Variants in NOD1 observed in about 807,000 individuals in gnomAD.
NOD1 encodes nucleotide binding oligomerization domain containing 1.
A neutral mutation model predicts 81.2 loss-of-function variants in NOD1; 70 were observed. The ratio of observed to expected loss-of-function variants is 0.86; its 90% CI spans 0.71 to 1.05. The LOEUF is 1.05. NOD1 is among the 50% of genes least tolerant of loss of function. The pLI, the probability that NOD1 is intolerant of heterozygous loss-of-function variation, is 0.00. For missense variants in NOD1, 1,233 were observed against 1,228.0 expected (o/e 1.00, Z -0.06); for synonymous variants, 508 against 526.9 (o/e 0.96, Z 0.49).
In NOD1 at chr7:30,456,803, A is replaced by G; in HGVS notation, c.119T>C (p.Leu40Pro). ...LVTHIRNTQCLVDNLLKNDYF... is the reference protein window; with the variant it reads ...LVTHIRNTQCPVDNLLKNDYF... Reference sequence around the variant, plus strand: ...GTCATTCTTCAGCAAGTTGTCCACCAGACACTGAGTATTGCGGATGTGAGT... The same window carrying G: ...GTCATTCTTCAGCAAGTTGTCCACCGGACACTGAGTATTGCGGATGTGAGT... Residue 40 changes from leucine to proline, a missense_variant, in exon 4 of 14, where the codon CTG (leucine) becomes CCG (proline). Leu to Pro is a moderately conservative substitution (Grantham distance 98). Transcript: ENST00000222823. 6.2e-7 allele frequency: 1 copy of G among 1,614,192 alleles called. No individual in the cohort carries two copies. The highest frequency in any genetic ancestry group is 8.5e-7 in the Non-Finnish European group (1 of 1,180,028).
At chr7:30,427,858 T>G (rs1440334950) in intron 13 of NOD1, among the ~76,000 whole-genome samples, 1 of 152,186 alleles carries the variant, frequency 6.6e-6, no homozygotes, top group Non-Finnish European at 1.5e-5. Flanking sequence ...TGCAAACTGT[T>G]CTGTAGTCTG....
chr7:30,462,480 G>A (rs763826943), intron 1 of NOD1, among the ~76,000 whole-genome samples: 5 of 148,168 alleles, frequency 3.4e-5, no homozygotes, highest in Non-Finnish European at 7.4e-5. Context: ...TTCCAGTCCT[G>A]GCTATAATAG....
chr7:30,451,509 GGGCA>G lies in NOD1; in HGVS notation c.1904_1907del (p.Leu635ProfsTer47). 2.5e-6 allele frequency: 4 copies of G among 1,613,126 alleles called. No homozygotes were observed. Among genetic ancestry groups the G allele is most frequent in the Non-Finnish European group, 3.4e-6 (4 of 1,179,858 alleles). ...GGTTGAAGCTTTCGACCTGAACGCG[GGGCA>G]GGCTCTTCAGGTAGCCCCGCAGGCT... On this transcript the variant is annotated frameshift_variant, in exon 6 of 14. Transcript: ENST00000222823. LOFTEE classifies it high-confidence loss of function. The surrounding 1 kb of genome is among the most constrained non-coding windows in gnomAD (Gnocchi z 4.2).
At position 30,456,828 on chromosome 7, in the gene NOD1, T is replaced by C; in HGVS notation, c.94A>G (p.Thr32Ala). 6.2e-7 allele frequency: 1 copy of C among 1,614,148 alleles called. No homozygotes were observed. Among genetic ancestry groups the C allele is most frequent in the South Asian group, 1.1e-5 (1 of 91,080 alleles). Residue 32 changes from threonine to alanine, a missense_variant, in exon 4 of 14, where the codon ACT (threonine) becomes GCT (alanine). Physicochemically the swap from Thr to Ala is moderately conservative, Grantham distance 58. Transcript: ENST00000222823. ...LLKSNRELLV[T>A]HIRNTQCLVD... is the part of the protein sequence containing the mutation. Reference sequence around the variant, plus strand: ...AGACACTGAGTATTGCGGATGTGAGTGACCAGAAGTTCCCGATTGCTTTTC... The same window carrying C: ...AGACACTGAGTATTGCGGATGTGAGCGACCAGAAGTTCCCGATTGCTTTTC...
At chr7:30,436,258 A>G (rs1315186811) in intron 10 of NOD1, among the ~76,000 whole-genome samples, 177 bp from the exon 11 acceptor site, 2 of 152,234 alleles carry the variant, frequency 1.3e-5, no homozygotes, top group African/African-American at 2.4e-5. Flanking sequence ...GCTGCCCCAG[A>G]GCCCACACAC....
At chr7:30,436,751 T>A (rs890125195) in intron 10 of NOD1, among the ~76,000 whole-genome samples, 2 of 152,158 alleles carry the variant, frequency 1.3e-5, no homozygotes, top group Admixed American at 1.3e-4. Flanking sequence ...TCTGTCTTGA[T>A]GGGGGTGGTG....
intron 9 of NOD1, among the ~76,000 whole-genome samples, chr7:30,445,295 A>AG (rs1036963901): frequency 1.3e-5 from 2 of 149,144 alleles, no homozygotes; most frequent in Non-Finnish European, 3.0e-5. Flanking sequence ...AAAAAAAAAA[A>AG]AAAAAAAGAA....
intron 12 of NOD1, among the ~76,000 whole-genome samples, chr7:30,432,306 T>C (rs1032733038): frequency 3.3e-5 from 5 of 152,056 alleles, no homozygotes; most frequent in African/African-American, 9.7e-5. Context: ...GAGACATTTC[T>C]CCAAAGAAGC....
Position 30,451,811 on chromosome 7 carries a change from C to CCA in NOD1, c.1604_1605dup (p.Gly536TrpfsTer79). 1 of 1,613,828 alleles carries CCA rather than the reference C, an allele frequency of 6.2e-7. No individual in the cohort carries two copies. The highest frequency in any genetic ancestry group is 2.2e-5 in the East Asian group (1 of 44,852). On this transcript the variant is annotated frameshift_variant, in exon 6 of 14. Transcript: ENST00000222823. LOFTEE classifies it high-confidence loss of function. This position sits in a 1 kb window ranked among gnomAD's most constrained non-coding sequence, Gnocchi z 4.2. ...AAGAACCTGAGCAGCTCCTGAGTGCCCACCCTGTCGTCCAGCACGAGGAAG... is the reference window on the plus strand; with the variant it reads ...AAGAACCTGAGCAGCTCCTGAGTGCCCACACCCTGTCGTCCAGCACGAGGAAG...
At chr7:30,447,411 C>CAA (rs1785223453) in intron 7 of NOD1, 1 of 282,368 alleles carries the variant, frequency 3.5e-6, no homozygotes, top group African/African-American at 2.2e-5. Context: ...GTATTTACAA[C>CAA]TAAGATTACA....
At chr7:30,439,549 G>C (rs367958946) in intron 9 of NOD1, among the ~76,000 whole-genome samples, 1 of 97,188 alleles carries the variant, frequency 1.0e-5, no homozygotes, top group Non-Finnish European at 1.9e-5. Flanking sequence ...TTTTCAGACC[G>C]GCTTAAGAAA....
rs1300453967 is a variant in NOD1, at chr7:30,467,489, A to G, written c.-351-7448T>C. Among the ~76,000 whole-genome samples, 1 of 152,128 alleles carries G rather than the reference A, an allele frequency of 6.6e-6. No individual in the cohort carries two copies. The highest frequency in any genetic ancestry group is 2.4e-5 in the African/African-American group (1 of 41,422). ...TTGTTTTGAGGAACTATGACTTTCA[A>G]CTCAAAGGGCCCACCTGCCCTAGAG... On this transcript the variant is annotated intron_variant, in intron 1 of 13. Coordinates refer to ENST00000222823, the MANE Select transcript of NOD1 (RefSeq NM_006092.4). This position sits in a 1 kb window ranked among gnomAD's most constrained non-coding sequence, Gnocchi z 4.5.
chr7:30,453,881 A>C (rs538733208), intron 5 of NOD1, among the ~76,000 whole-genome samples: 1 of 152,370 alleles, frequency 6.6e-6, no homozygotes, highest in South Asian at 2.1e-4. Context: ...CATTTCATAT[A>C]AACAGAATCA....
rs758148277 is a variant in NOD1 at position 30,458,989 on chromosome 7, G to A, written c.-122+163C>T. ...TGACCTCAAGTGATCTGCCCACCTC[G>A]GCCTCCCAAAGTGCTTGGATTACAG... is the stretch of plus-strand genomic sequence containing the variant. On this transcript the variant is annotated intron_variant, in intron 3 of 13. Coordinates refer to ENST00000222823, the MANE Select transcript of NOD1 (RefSeq NM_006092.4). Among the ~76,000 whole-genome samples the A allele has an allele frequency of 6.6e-5, 10 of 152,030 alleles. 1 individual carries two copies. Among genetic ancestry groups the A allele is most frequent in the African/African-American group, 1.4e-4 (6 of 41,470 alleles).
intron 1 of NOD1, among the ~76,000 whole-genome samples, chr7:30,472,756 T>C (rs768750463): frequency 2.4e-4 from 37 of 152,206 alleles, no homozygotes; most frequent in Non-Finnish European, 4.3e-4. Context: ...CAAACTCCCA[T>C]GCTGGCAACC....
In NOD1 at chr7:30,456,881, G is replaced by C; in HGVS notation, c.41C>G (p.Ser14Ter). The C allele has an allele frequency of 6.2e-7, 1 of 1,614,210 alleles. No individual in the cohort carries two copies. Among genetic ancestry groups the C allele is most frequent in the Non-Finnish European group, 8.5e-7 (1 of 1,180,028 alleles). Residue 14 changes from serine (S) to a stop codon, truncating the protein, a stop_gained, in exon 4 of 14, where the codon TCA becomes TGA. Transcript: ENST00000222823. LOFTEE classifies it high-confidence loss of function. ...QGHSEMEIIP[S>*]ESHPHIQLLK... ...TAATTGAATGTGGGGGTGAGACTCT[G>C]ATGGGATTATTTCCATCTCACTGTG...
chr7:30,453,167 CA>C, intron 5 of NOD1, 127 bp from the exon 6 acceptor site: 2 of 965,410 alleles, frequency 2.1e-6, no homozygotes, highest in Non-Finnish European at 3.0e-6. Context: ...GCCCTGAGGC[CA>C]GCGCAGCCAC....
intron 1 of NOD1, among the ~76,000 whole-genome samples, chr7:30,475,353 T>C (rs1788662615): frequency 6.6e-6 from 1 of 152,248 alleles, no homozygotes; most frequent in Admixed American, 6.5e-5. Flanking sequence ...TCATGTTTTA[T>C]TAAAATCTTA....
At chr7:30,456,551 C>A (rs190432600) in intron 4 of NOD1, among the ~76,000 whole-genome samples, 170 bp downstream of exon 4, 1 of 152,166 alleles carries the variant, frequency 6.6e-6, no homozygotes, top group Non-Finnish European at 1.5e-5. Flanking sequence ...AAGTAAAATA[C>A]CTGACTGTGC....
Sources: gnomAD v4.1 joint callset for allele counts (sites outside exome capture counted in the v4.1 genomes callset) on GRCh38, gnomAD v4.1.1 for gene constraint, Gnocchi (gnomAD v3.1) non-coding constraint, MANE v1.5 for transcripts, NCBI Gene and HGNC (gene_info 2026-07-23, HGNC 2026-07-21) for gene names.